Variants in SCHIP1 observed in about 807,000 individuals in gnomAD.
The protein encoded by SCHIP1 is schwannomin-interacting protein 1.
Under a neutral mutation model 29.7 loss-of-function variants are expected in SCHIP1, and 8 were observed. That is an observed-to-expected ratio of 0.27 (90% CI 0.16 to 0.49). The LOEUF (loss-of-function observed/expected upper bound fraction) is 0.49. Among genes scored for constraint, SCHIP1 ranks in the 20% least tolerant of loss-of-function variants. The pLI is 0.99. For missense variants in SCHIP1, 193 were observed against 294.6 expected, an observed-to-expected ratio of 0.66 and a Z score of 2.52; for synonymous variants, 76 against 94.9, an observed-to-expected ratio of 0.80 and a Z score of 1.16.
the SCHIP1 span, among the ~76,000 whole-genome samples, chr3:159,827,151 A>G: frequency 6.6e-6 from 1 of 152,212 alleles, no homozygotes; most frequent in Non-Finnish European, 1.5e-5. Flanking sequence ...TTCTTCTACT[A>G]TTCAGATGAC....
the SCHIP1 span, among the ~76,000 whole-genome samples, chr3:159,493,741 A>T: frequency 6.6e-6 from 1 of 152,124 alleles, no homozygotes; most frequent in Non-Finnish European, 1.5e-5. Flanking sequence ...TCAGCTCTGC[A>T]CCAAGCGGAC....
chr3:159,273,665 C>A, the SCHIP1 span: 27 of 1,367,896 alleles, frequency 2.0e-5, 1 homozygote, highest in South Asian at 3.9e-4. Flanking sequence ...GGTTGATAAC[C>A]GAAGGGCAAA....
chr3:159,612,944 GT>G, the SCHIP1 span, among the ~76,000 whole-genome samples: 7 of 152,134 alleles, frequency 4.6e-5, no homozygotes, highest in Admixed American at 1.3e-4. Context: ...ATATGATGAG[GT>G]AGATAAGTAT....
At chr3:159,384,629 G>C in the SCHIP1 span, among the ~76,000 whole-genome samples, 1 of 151,868 alleles carries the variant, frequency 6.6e-6, no homozygotes, top group Non-Finnish European at 1.5e-5. Flanking sequence ...CTCATAAAAT[G>C]AGTTAGGGAG....
At chr3:159,286,594 T>A in the SCHIP1 span, among the ~76,000 whole-genome samples, 1 of 152,192 alleles carries the variant, frequency 6.6e-6, no homozygotes, top group Non-Finnish European at 1.5e-5. Flanking sequence ...TACCTAATAA[T>A]AGGATTGTTG....
At chr3:159,521,323 G>C in the SCHIP1 span, among the ~76,000 whole-genome samples, 1 of 152,174 alleles carries the variant, frequency 6.6e-6, no homozygotes, top group Admixed American at 6.5e-5. Context: ...AGTAGTCAGA[G>C]GCAAAATCCT....
At chr3:159,675,177 A>G in the SCHIP1 span, among the ~76,000 whole-genome samples, 3 of 152,342 alleles carry the variant, frequency 2.0e-5, no homozygotes, top group East Asian at 5.8e-4. Context: ...TTGGTTTGAC[A>G]TGCCAGTGAA....
At chr3:159,440,808 G>A in the SCHIP1 span, among the ~76,000 whole-genome samples, 1 of 152,126 alleles carries the variant, frequency 6.6e-6, no homozygotes, top group African/African-American at 2.4e-5. Flanking sequence ...GGTTGACTCA[G>A]CATACATACT....
the SCHIP1 span, among the ~76,000 whole-genome samples, chr3:159,758,524 GA>G: frequency 0.29 from 43,398 of 151,966 alleles, 6,295 homozygotes; most frequent in South Asian, 0.36. Flanking sequence ...TCTGGAAAAA[GA>G]AAAAAACAAG....
chr3:159,857,380 C>A (rs1263090600), intron 1 of SCHIP1, among the ~76,000 whole-genome samples: 1 of 152,162 alleles, frequency 6.6e-6, no homozygotes, highest in Non-Finnish European at 1.5e-5. Context: ...CTTCTCCTCG[C>A]TAGTTGCCTT....
chr3:159,868,027 T>TATATATATATATAAATCAATTATTTA (rs1714832107), intron 2 of SCHIP1, among the ~76,000 whole-genome samples: 1 of 122,244 alleles, frequency 8.2e-6, no homozygotes, highest in Non-Finnish European at 1.9e-5. Context: ...TCAATGATTT[T>TATATATATATATAAATCAATTATTTA]TATATATATA....
the SCHIP1 span, chr3:159,273,923 C>CAT: frequency 2.5e-6 from 4 of 1,606,450 alleles, no homozygotes; most frequent in Non-Finnish European, 2.5e-6. Flanking sequence ...TTAGGTGTAT[C>CAT]ATATTTTTAC....
the SCHIP1 span, among the ~76,000 whole-genome samples, chr3:159,401,926 A>C: frequency 2.0e-5 from 3 of 152,200 alleles, no homozygotes; most frequent in East Asian, 5.8e-4. Flanking sequence ...ACAAAAGCCA[A>C]AATGGGATCT....
the SCHIP1 span, among the ~76,000 whole-genome samples, chr3:159,815,270 A>T: frequency 6.6e-6 from 1 of 152,292 alleles, no homozygotes; most frequent in African/African-American, 2.4e-5. Context: ...CTCATGATCG[A>T]TGTGTTTTTG....
chr3:159,764,460 G>A, the SCHIP1 span: 9 of 1,594,632 alleles, frequency 5.6e-6, no homozygotes, highest in Non-Finnish European at 7.7e-6. The surrounding 1 kb of genome is among the most constrained non-coding windows in gnomAD (Gnocchi z 6.1). Context: ...GAGAGGATGG[G>A]ATGGATCTAG....
the SCHIP1 span, among the ~76,000 whole-genome samples, chr3:159,750,271 A>G: frequency 8.0e-4 from 8 of 9,976 alleles, no homozygotes; most frequent in South Asian, 0.014. Context: ...GTGTATATAT[A>G]TATATATATA....
chr3:159,683,219 T>C, the SCHIP1 span, among the ~76,000 whole-genome samples: 3 of 152,104 alleles, frequency 2.0e-5, no homozygotes, highest in East Asian at 5.8e-4. Flanking sequence ...CCCGACTCAT[T>C]TTTATATTTT....
At chr3:159,582,511 T>G in the SCHIP1 span, among the ~76,000 whole-genome samples, 2 of 152,148 alleles carry the variant, frequency 1.3e-5, no homozygotes, top group African/African-American at 2.4e-5. Flanking sequence ...TAAAGTATTT[T>G]TTTTAATAAT....
the SCHIP1 span, among the ~76,000 whole-genome samples, chr3:159,568,026 GATTT>G: frequency 3.3e-5 from 5 of 152,066 alleles, no homozygotes; most frequent in African/African-American, 9.6e-5. Context: ...GATTTTGTTA[GATTT>G]ATTTCTAGGA....
Sources: allele counts gnomAD v4.1 joint callset (sites outside exome capture counted in the v4.1 genomes callset), GRCh38; gene constraint gnomAD v4.1.1; non-coding constraint Gnocchi (gnomAD v3.1); transcripts MANE v1.5; gene names NCBI Gene and HGNC (gene_info 2026-07-23, HGNC 2026-07-21).